CNTN4: variants seen among roughly 807,000 people sequenced by gnomAD.
CNTN4 encodes contactin-4.
In CNTN4, 77 loss-of-function variants were observed where a neutral mutation model predicts 122.5. The observed-to-expected ratio is 0.63, with a 90% CI of 0.52 to 0.76. The LOEUF (loss-of-function observed/expected upper bound fraction) is 0.76, where lower values mean the gene tolerates loss of function less well. Ranked by LOEUF, CNTN4 falls within the 30% of genes least tolerant of loss-of-function variation. The pLI is 0.00. For missense variants in CNTN4, 1,256 were observed against 1,259.1 expected (o/e 1.00, Z 0.04); for synonymous variants, 512 against 447.0 (o/e 1.15, Z -1.83).
chr3:2,963,133 A>G (rs2094878610), intron 13 of CNTN4, among the ~76,000 whole-genome samples: 1 of 152,010 alleles, frequency 6.6e-6, no homozygotes, highest in South Asian at 2.1e-4. Flanking sequence ...AAAACCTAGT[A>G]ATTAATTTTC....
chr3:2,434,960 AGAG>A (rs2048208212), intron 3 of CNTN4, among the ~76,000 whole-genome samples: 1 of 152,200 alleles, frequency 6.6e-6, no homozygotes, highest in Non-Finnish European at 1.5e-5. Context: ...ACTCTGAGAC[AGAG>A]GAGAATAATT....
intron 4 of CNTN4, among the ~76,000 whole-genome samples, chr3:2,644,290 A>G (rs1347186286): frequency 6.6e-6 from 1 of 152,190 alleles, no homozygotes; most frequent in Non-Finnish European, 1.5e-5. Flanking sequence ...GAGTCTCAGA[A>G]TGGGTCTAGT....
chr3:2,577,340 A>G (rs2079738225), intron 4 of CNTN4, among the ~76,000 whole-genome samples: 1 of 152,210 alleles, frequency 6.6e-6, no homozygotes, highest in South Asian at 2.1e-4. Flanking sequence ...GTATGTATTA[A>G]TAGATCTATA....
At chr3:2,731,364 T>G (rs2088667593) in intron 4 of CNTN4, among the ~76,000 whole-genome samples, 1 of 152,154 alleles carries the variant, frequency 6.6e-6, no homozygotes, top group Admixed American at 6.5e-5. Context: ...TATGGAACTT[T>G]GCAGAACACT....
At chr3:2,617,399 A>G (rs1484053296) in intron 4 of CNTN4, among the ~76,000 whole-genome samples, 1 of 147,152 alleles carries the variant, frequency 6.8e-6, no homozygotes, top group Admixed American at 6.9e-5. Context: ...GCTCAACATC[A>G]CTGATCTTTA....
rs1271280953 is a variant in CNTN4, at chr3:3,056,257, A to G, written c.*37A>G. ...TGAAGGACTTGCTGTTTATAATATA[A>G]GCAACATTTAGCTAGTTGTTTTGAA... is the stretch of plus-strand genomic sequence containing the variant. On this transcript the variant is annotated 3_prime_UTR_variant, in exon 25 of 25. Transcript: ENST00000418658. The G allele has an allele frequency of 7.0e-7, 1 of 1,431,648 alleles. No homozygotes were observed. Among genetic ancestry groups the G allele is most frequent in the Middle Eastern group, 1.7e-4 (1 of 5,738 alleles). The allele number at this position is 1,431,648 out of a possible 1,614,324, so 88.7% of individuals were successfully genotyped here.
At chr3:2,814,186 C>A (rs1316560686) in intron 6 of CNTN4, among the ~76,000 whole-genome samples, 1 of 152,010 alleles carries the variant, frequency 6.6e-6, no homozygotes, top group Non-Finnish European at 1.5e-5. Flanking sequence ...GAAATCAACA[C>A]CAAAAAGTAG....
chr3:2,556,046 C>T (rs2078707675), intron 3 of CNTN4, among the ~76,000 whole-genome samples: 1 of 152,158 alleles, frequency 6.6e-6, no homozygotes, highest in East Asian at 1.9e-4. Context: ...CTGAAACCAT[C>T]TGTTTGCTAG....
chr3:2,760,325 A>G (rs562760545), intron 6 of CNTN4, among the ~76,000 whole-genome samples: 2 of 152,282 alleles, frequency 1.3e-5, no homozygotes, highest in South Asian at 4.1e-4. Context: ...ATTTAGCTCT[A>G]TCACCCATTT....
chr3:2,789,951 G>A (rs555923385), intron 6 of CNTN4, among the ~76,000 whole-genome samples: 11 of 152,288 alleles, frequency 7.2e-5, no homozygotes, highest in South Asian at 2.1e-4. Flanking sequence ...GAGTATCCAA[G>A]GAAGGTAGCT....
At chr3:2,364,151 T>C (rs13326918) in intron 3 of CNTN4, among the ~76,000 whole-genome samples, 2,520 of 152,244 alleles carry the variant, frequency 0.017, 69 homozygotes, top group African/African-American at 0.058. Context: ...TAAATTAACT[T>C]TGGAAATCAT....
At chr3:2,251,567 CT>C (rs928582214) in intron 2 of CNTN4, among the ~76,000 whole-genome samples, 2 of 150,720 alleles carry the variant, frequency 1.3e-5, no homozygotes, top group African/African-American at 2.4e-5. Flanking sequence ...TTTCCCTTCA[CT>C]TTTTTTTTGT....
chr3:2,620,591 C>G (rs1429729244), intron 4 of CNTN4, among the ~76,000 whole-genome samples: 1 of 152,096 alleles, frequency 6.6e-6, no homozygotes, highest in Non-Finnish European at 1.5e-5. Flanking sequence ...TACCTTCATT[C>G]TACTCATAAA....
rs747429715 is a variant in CNTN4, at chr3:2,848,492, AGTG to A, written c.455-18259_455-18257del. 5.9e-5 allele frequency among the ~76,000 whole-genome samples: 9 copies of A among 152,352 alleles called. No individual in the cohort carries two copies. The East Asian group carries it at 1.7e-3, about 29-fold the overall frequency. Reference sequence around the variant, plus strand: ...TTGTTAAGATTATGTAATACTCTTCAGTGCTATGTCTGTTGTTTAAGTGTTCTG... The same window carrying A: ...TTGTTAAGATTATGTAATACTCTTCACTATGTCTGTTGTTTAAGTGTTCTG... On this transcript the variant is annotated intron_variant, in intron 7 of 24. Transcript: ENST00000418658.
At chr3:2,539,329 C>T (rs899901970) in intron 3 of CNTN4, among the ~76,000 whole-genome samples, 2 of 152,002 alleles carry the variant, frequency 1.3e-5, no homozygotes, top group African/African-American at 2.4e-5. Flanking sequence ...TGAATGCTTT[C>T]GCTGTTGATA....
At chr3:2,961,036 C>G (rs2094849096) in intron 13 of CNTN4, among the ~76,000 whole-genome samples, 1 of 130,592 alleles carries the variant, frequency 7.7e-6, no homozygotes, top group Non-Finnish European at 1.7e-5. Flanking sequence ...CGAGACCATC[C>G]TGGCTAACAC....
intron 4 of CNTN4, among the ~76,000 whole-genome samples, chr3:2,643,005 G>A (rs999611997): frequency 6.6e-6 from 1 of 152,114 alleles, no homozygotes; most frequent in African/African-American, 2.4e-5. Flanking sequence ...CAGATGTAAG[G>A]CTATATTGAA....
intron 2 of CNTN4, among the ~76,000 whole-genome samples, chr3:2,193,106 T>G (rs963389392): frequency 2.6e-5 from 4 of 152,158 alleles, no homozygotes. Context: ...GCTCCTTTCT[T>G]TGCCCATATT....
At chr3:2,373,518 G>A (rs1328010719) in intron 3 of CNTN4, among the ~76,000 whole-genome samples, 2 of 152,204 alleles carry the variant, frequency 1.3e-5, no homozygotes, top group Non-Finnish European at 2.9e-5. Flanking sequence ...GTTAGTGTTT[G>A]CTTGATGTTG....
Sources: allele counts gnomAD v4.1 joint callset (sites outside exome capture counted in the v4.1 genomes callset), GRCh38; gene constraint gnomAD v4.1.1; transcripts MANE v1.5; gene names NCBI Gene and HGNC (gene_info 2026-07-23, HGNC 2026-07-21).